The following GABRG2 variants were observed in gnomAD, a reference collection of about 807,000 sequenced individuals.
The protein encoded by GABRG2 is gamma-aminobutyric acid receptor subunit gamma-2.
In GABRG2, 16 loss-of-function variants were observed where a neutral mutation model predicts 56.4. That is an observed-to-expected ratio of 0.28 (90% CI 0.19 to 0.43). The LOEUF (loss-of-function observed/expected upper bound fraction) is 0.43, where lower values mean the gene tolerates loss of function less well. Among genes scored for constraint, GABRG2 ranks in the 20% least tolerant of loss-of-function variants. The pLI, the probability that GABRG2 is intolerant of heterozygous loss-of-function variation, is 1.00. For synonymous variants in GABRG2, 208 were observed against 205.5 expected (o/e 1.01, Z -0.10); for missense variants, 327 against 582.7 (o/e 0.56, Z 4.52).
intron 6 of GABRG2, among the ~76,000 whole-genome samples, chr5:162,121,170 C>T (rs1215974399): frequency 6.6e-6 from 1 of 152,112 alleles, no homozygotes; most frequent in Non-Finnish European, 1.5e-5. Flanking sequence ...CATTGCATGT[C>T]CACATACTTC....
At chr5:162,086,118 G>A (rs113004628) in intron 1 of GABRG2, among the ~76,000 whole-genome samples, 7 of 152,060 alleles carry the variant, frequency 4.6e-5, no homozygotes, top group African/African-American at 1.7e-4. Flanking sequence ...CCCATGCAGA[G>A]AATCATCAGC....
intron 5 of GABRG2, chr5:162,103,330 G>T (rs1017034564): frequency 1.9e-5 from 3 of 156,586 alleles, no homozygotes; most frequent in African/African-American, 7.2e-5. Flanking sequence ...ACTTACTACT[G>T]CTTTGAATTG....
intron 1 of GABRG2, among the ~76,000 whole-genome samples, chr5:162,072,551 G>C (rs1758757385): frequency 6.6e-6 from 1 of 152,060 alleles, no homozygotes; most frequent in Admixed American, 6.6e-5. Context: ...TAGACATGCA[G>C]AAGACAATGC....
intron 1 of GABRG2, among the ~76,000 whole-genome samples, chr5:162,075,519 G>T (rs7702288): frequency 0.028 from 4,248 of 151,854 alleles, 216 homozygotes; most frequent in African/African-American, 0.096. Flanking sequence ...TTTACTTTTT[G>T]ATTTTCTATC....
Position 162,097,802 on chromosome 5 carries a change from CACCCCCA to C in GABRG2, c.495_501del (p.Pro166GlyfsTer3). On this transcript the variant is annotated frameshift_variant, in exon 4 of 10. Transcript: ENST00000639213. LOFTEE classifies it high-confidence loss of function. ...AAAAAGCTGATGCACACTGGATCAC[CACCCCCA>C]ACAGGATGCTGAGAATTTGGAATGA... is the stretch of plus-strand genomic sequence containing the variant. The C allele has an allele frequency of 6.2e-7, 1 of 1,613,770 alleles. No homozygotes were observed. Among genetic ancestry groups the C allele is most frequent in the Non-Finnish European group, 8.5e-7 (1 of 1,179,872 alleles).
At chr5:162,137,799 A>G (rs1392375527) in intron 6 of GABRG2, among the ~76,000 whole-genome samples, 2 of 152,026 alleles carry the variant, frequency 1.3e-5, no homozygotes, top group Non-Finnish European at 2.9e-5. Flanking sequence ...GAGGTGAAGT[A>G]GAAAGATCTC....
intron 7 of GABRG2, chr5:162,142,565 A>C (rs1196798350): frequency 3.3e-5 from 13 of 394,958 alleles, no homozygotes; most frequent in Non-Finnish European, 9.7e-6. Context: ...AATACTATGC[A>C]GCCATAAAAA....
At chr5:162,147,969 A>G (rs1452367442) in intron 7 of GABRG2, among the ~76,000 whole-genome samples, 1 of 152,194 alleles carries the variant, frequency 6.6e-6, no homozygotes, top group Non-Finnish European at 1.5e-5. Context: ...ACTGAGGCCT[A>G]GAGTGTTAAG....
chr5:162,141,127 C>G (rs1764532135), intron 6 of GABRG2, among the ~76,000 whole-genome samples: 1 of 152,084 alleles, frequency 6.6e-6, no homozygotes. Context: ...AGCTCCGCCT[C>G]CCGGGTTCAC....
At chr5:162,102,524 TG>T (rs1446235141) in intron 5 of GABRG2, 44 of 453,594 alleles carry the variant, frequency 9.7e-5, no homozygotes, top group African/African-American at 7.1e-4. Context: ...TTGTTGTTGT[TG>T]TTGTTTTGTT....
chr5:162,075,294 A>G (rs1014965135), intron 1 of GABRG2, among the ~76,000 whole-genome samples: 1 of 152,102 alleles, frequency 6.6e-6, no homozygotes, highest in Non-Finnish European at 1.5e-5. Context: ...AATGTGTTTC[A>G]CATATCCACT....
At chr5:162,101,655 C>G (rs1269895074) in intron 5 of GABRG2, 1 of 305,476 alleles carries the variant, frequency 3.3e-6, no homozygotes, top group Non-Finnish European at 6.2e-6. Flanking sequence ...ATTATATATC[C>G]TCTTCCTTTC....
chr5:162,135,430 T>C (rs1030534313), intron 6 of GABRG2, among the ~76,000 whole-genome samples: 2 of 152,208 alleles, frequency 1.3e-5, no homozygotes, highest in Non-Finnish European at 2.9e-5. Flanking sequence ...CATACAGAGC[T>C]AAAGCATTTA....
In GABRG2 at chr5:162,093,650, A is replaced by G. The variant is rs116814476; in HGVS notation, c.108-178A>G. Among the ~76,000 whole-genome samples, 517 of 152,306 alleles carry G rather than the reference A, an allele frequency of 3.4e-3. 3 individuals are homozygous for G. Among genetic ancestry groups the G allele is most frequent in the African/African-American group, 0.012 (489 of 41,576 alleles). ...AGAATTCTGAAAACCTGAAGCGTACACTTGAATACAGTTAGTCTCCATCTA... is the reference window on the plus strand; with the variant it reads ...AGAATTCTGAAAACCTGAAGCGTACGCTTGAATACAGTTAGTCTCCATCTA... On this transcript the variant is annotated intron_variant, in intron 1 of 9. Transcript: ENST00000639213.
At chr5:162,110,342 CTA>C (rs1246181231) in intron 6 of GABRG2, among the ~76,000 whole-genome samples, 2 of 152,100 alleles carry the variant, frequency 1.3e-5, no homozygotes, top group African/African-American at 4.8e-5. Context: ...GATTTTCTTA[CTA>C]TGTTACACCT....
At chr5:162,095,429 C>A in intron 2 of GABRG2, 66 bp from the exon 3 acceptor site, 1 of 981,318 alleles carries the variant, frequency 1.0e-6, no homozygotes, top group Non-Finnish European at 1.6e-6. Context: ...TTCTAGAAAA[C>A]AAAGATTAAA....
At position 162,111,807 on chromosome 5, in the gene GABRG2, A is replaced by G. The variant is rs555071673; in HGVS notation, c.769+7781A>G. On this transcript the variant is annotated intron_variant, in intron 6 of 9. Transcript: ENST00000639213. ...CATAAAGAAATGAATTAAAATAAAA[A>G]CTATTCCTAAGCTTGATTATAGCTA... 2.2e-4 allele frequency among the ~76,000 whole-genome samples: 33 copies of G among 152,300 alleles called. 1 individual carries two copies. Among genetic ancestry groups the G allele is most frequent in the African/African-American group, 7.7e-4 (32 of 41,586 alleles).
In GABRG2 at chr5:162,144,040, T is replaced by C. The variant is rs1393466163; in HGVS notation, c.922+1724T>C. Among the ~76,000 whole-genome samples, 4 of 152,230 alleles carry C rather than the reference T, an allele frequency of 2.6e-5. No homozygotes were observed. The East Asian group carries it at 5.8e-4, about 22-fold the overall frequency. ...CAAGTCCTTCTCAAAAATTAAAATA[T>C]CTTGTCTAATGCTACACGCTGAAAC... is the stretch of plus-strand genomic sequence containing the variant. On this transcript the variant is annotated intron_variant, in intron 7 of 9. Transcript: ENST00000639213.
rs1005839311 is a variant in GABRG2 at position 162,107,058 on chromosome 5, A to G, written c.769+3032A>G. 3.9e-5 allele frequency among the ~76,000 whole-genome samples: 6 copies of G among 152,052 alleles called. No homozygotes were observed. The South Asian group carries it at 1.0e-3, about 26-fold the overall frequency. On this transcript the variant is annotated intron_variant, in intron 6 of 9. Coordinates refer to ENST00000639213, the MANE Select transcript of GABRG2 (RefSeq NM_198904.4). ...GTCTGTTGTTCCCTTCTATATGTCC[A>G]TGTATTATCATCATTTAGCCCCCAC...
Sources: gnomAD v4.1 joint callset for allele counts (sites outside exome capture counted in the v4.1 genomes callset) on GRCh38, gnomAD v4.1.1 for gene constraint, MANE v1.5 for transcripts, NCBI Gene and HGNC (gene_info 2026-07-23, HGNC 2026-07-21) for gene names.